The following NEDD4 variants were observed in gnomAD, a reference collection of about 807,000 sequenced individuals.
NEDD4 encodes the protein E3 ubiquitin-protein ligase NEDD4.
Under a neutral mutation model 144.9 loss-of-function variants are expected in NEDD4, and 99 were observed. The observed-to-expected ratio is 0.68, with a 90% CI of 0.58 to 0.81. NEDD4 has a LOEUF of 0.81. Among genes scored for constraint, NEDD4 ranks in the 30% least tolerant of loss-of-function variants. NEDD4 has a pLI of 0.00. For missense variants in NEDD4, 985 were observed against 1,065.9 expected (o/e 0.92, Z 1.06); for synonymous variants, 318 against 350.6 (o/e 0.91, Z 1.04).
intron 8 of NEDD4, among the ~76,000 whole-genome samples, chr15:55,863,408 CAG>C: frequency 6.6e-6 from 1 of 152,056 alleles, no homozygotes; most frequent in Non-Finnish European, 1.5e-5. Flanking sequence ...AACAATAAAA[CAG>C]AACTTTAAAA....
intron 1 of NEDD4, among the ~76,000 whole-genome samples, chr15:55,982,139 G>A (rs368192257): frequency 3.3e-5 from 5 of 152,170 alleles, no homozygotes; most frequent in African/African-American, 1.2e-4. Context: ...CTGAAACAAT[G>A]TGCAGCAACT....
chr15:55,987,051 A>T (rs1267017643), intron 1 of NEDD4, among the ~76,000 whole-genome samples: 1 of 141,468 alleles, frequency 7.1e-6, no homozygotes, highest in Non-Finnish European at 1.5e-5. Context: ...CGCCACACTG[A>T]CTTCCACAAT....
chr15:55,916,488 G>A, intron 5 of NEDD4: 2 of 1,614,038 alleles, frequency 1.2e-6, no homozygotes, highest in African/African-American at 1.3e-5. Flanking sequence ...CAAGATACAA[G>A]TAAACGAAGC....
rs546642962 is a variant in NEDD4 at position 55,923,659 on chromosome 15, A to AAAATATATAT, written c.291+986_291+987insATATATATTT. On this transcript the variant is annotated intron_variant, in intron 5 of 28. Transcript: ENST00000435532. ...AGACTCCATCTCAAAAAAAAAAAAAAATATATATATATATAGCAAGTCAGT... is the reference window on the plus strand; with the variant it reads ...AGACTCCATCTCAAAAAAAAAAAAAAAAATATATATATATATATATATATAGCAAGTCAGT... Among the ~76,000 whole-genome samples, 476 of 135,232 alleles carry AAAATATATAT rather than the reference A, an allele frequency of 3.5e-3. 4 individuals carry two copies. The highest frequency in any genetic ancestry group is 0.012 in the African/African-American group (448 of 35,908). The allele number at this position is 135,232 out of a possible 152,430, so 88.7% of individuals were successfully genotyped here. A position where few individuals can be genotyped will look rare whatever the true frequency, so the allele number is the denominator to read the frequency against.
At chr15:55,904,594 C>G (rs2036025104) in intron 5 of NEDD4, among the ~76,000 whole-genome samples, 1 of 152,138 alleles carries the variant, frequency 6.6e-6, no homozygotes, top group Non-Finnish European at 1.5e-5. Context: ...TGAGCCACCA[C>G]ACCCGGCGTA....
intron 12 of NEDD4, among the ~76,000 whole-genome samples, chr15:55,855,206 G>A (rs1417100865): frequency 6.6e-6 from 1 of 152,154 alleles, no homozygotes. Context: ...ACCCACTCAT[G>A]GGATGAGGAT....
intron 4 of NEDD4, among the ~76,000 whole-genome samples, chr15:55,946,086 A>ACTC (rs1331348842): frequency 3.3e-5 from 5 of 152,108 alleles, no homozygotes; most frequent in Non-Finnish European, 5.9e-5. Flanking sequence ...CTATGAAGAA[A>ACTC]CTCCATCAAT....
intron 5 of NEDD4, among the ~76,000 whole-genome samples, chr15:55,885,038 G>C (rs146672648): frequency 6.6e-6 from 1 of 152,066 alleles, no homozygotes; most frequent in African/African-American, 2.4e-5. Context: ...GGTAAAGAAC[G>C]GATCCTAAAA....
At chr15:55,841,739 G>C (rs1372308176) in intron 19 of NEDD4, among the ~76,000 whole-genome samples, 195 bp downstream of exon 19, 2 of 152,004 alleles carry the variant, frequency 1.3e-5, no homozygotes, top group African/African-American at 2.4e-5. Flanking sequence ...GCCTGGGTAA[G>C]TTTTTGTATT....
At position 55,860,642 on chromosome 15, in the gene NEDD4, AC is replaced by A; in HGVS notation, c.792+18del. 2 of 1,613,782 alleles carry A rather than the reference AC, an allele frequency of 1.2e-6. No homozygotes were observed. The highest frequency in any genetic ancestry group is 1.7e-6 in the Non-Finnish European group (2 of 1,179,788). The stretch of plus-strand genomic sequence containing the variant: ...CTATAGCATGTGTCTTTCAAGGAGA[AC>A]TAGGAAACTACTTATACCTCGGAAG... On this transcript the variant is annotated intron_variant, in intron 10 of 28. Transcript: ENST00000435532.
chr15:55,858,520 C>A (rs781762476), intron 11 of NEDD4, among the ~76,000 whole-genome samples: 1 of 152,104 alleles, frequency 6.6e-6, no homozygotes, highest in Non-Finnish European at 1.5e-5. Context: ...GTTGCCCAGG[C>A]TGGTCTTGAA....
At chr15:55,926,120 G>A (rs527974570) in intron 4 of NEDD4, among the ~76,000 whole-genome samples, 1 of 151,958 alleles carries the variant, frequency 6.6e-6, no homozygotes, top group African/African-American at 2.4e-5. Flanking sequence ...ATACGTATAT[G>A]TATCAAACCC....
At chr15:55,992,535 G>A (rs1042182739) in intron 1 of NEDD4, among the ~76,000 whole-genome samples, 5 of 152,150 alleles carry the variant, frequency 3.3e-5, no homozygotes, top group Non-Finnish European at 5.9e-5. Flanking sequence ...AAAGGTACAT[G>A]TGGCAGCTTA....
chr15:55,872,288 A>ATAC (rs1458971925), intron 7 of NEDD4, 127 bp downstream of exon 7: 1 of 252,378 alleles, frequency 4.0e-6, no homozygotes, highest in East Asian at 8.7e-5. Context: ...AATAATAATA[A>ATAC]TAATAATAAT....
At chr15:55,850,271 C>A (rs2033930182) in intron 14 of NEDD4, among the ~76,000 whole-genome samples, 1 of 152,038 alleles carries the variant, frequency 6.6e-6, no homozygotes, top group Non-Finnish European at 1.5e-5. Flanking sequence ...AAGGATTATT[C>A]CTATGTATCT....
In NEDD4 at chr15:55,829,716, T is replaced by A; in HGVS notation, c.*181A>T. On this transcript the variant is annotated 3_prime_UTR_variant, in exon 29 of 29. Transcript: ENST00000435532. ...GAAACAACTGTGTAAATGCAACACATTATTTAAAAGTGATTAAAAATAAGT... is the reference window on the plus strand; with the variant it reads ...GAAACAACTGTGTAAATGCAACACAATATTTAAAAGTGATTAAAAATAAGT... 2.8e-5 allele frequency: 14 copies of A among 505,274 alleles called. No individual in the cohort carries two copies. Among genetic ancestry groups the A allele is most frequent in the African/African-American group, 3.9e-5 (2 of 51,278 alleles). The allele number at this position is 505,274 out of a possible 1,614,324, so 31.3% of individuals were successfully genotyped here. A position where few individuals can be genotyped will look rare whatever the true frequency, so the allele number is the denominator to read the frequency against.
intron 5 of NEDD4, among the ~76,000 whole-genome samples, chr15:55,886,253 G>A (rs1401681852): frequency 6.6e-6 from 1 of 152,172 alleles, no homozygotes; most frequent in Non-Finnish European, 1.5e-5. Flanking sequence ...ATTATAGCTT[G>A]AGAATTCAAC....
Position 55,962,980 on chromosome 15 carries a change from T to C in NEDD4, c.119+3493A>G, listed in dbSNP as rs2037449779. Among the ~76,000 whole-genome samples the C allele has an allele frequency of 5.9e-5, 9 of 152,030 alleles. No individual in the cohort carries two copies. The South Asian group carries it at 1.9e-3, about 32-fold the overall frequency. ...TTTGTATATTAGTAGAGATGGGATT[T>C]CACCATGTTGGCCAGGCTGGTCTCA... is the stretch of plus-strand genomic sequence containing the variant. On this transcript the variant is annotated intron_variant, in intron 2 of 28. Coordinates refer to ENST00000435532, the MANE Select transcript of NEDD4 (RefSeq NM_006154.4).
At chr15:55,916,141 T>C in intron 5 of NEDD4, 1 of 1,614,006 alleles carries the variant, frequency 6.2e-7, no homozygotes, top group Non-Finnish European at 8.5e-7. Context: ...TCTGTACTTG[T>C]ACTTCTTGAA....
Sources: allele counts gnomAD v4.1 joint callset (sites outside exome capture counted in the v4.1 genomes callset), GRCh38; gene constraint gnomAD v4.1.1; transcripts MANE v1.5; gene names NCBI Gene and HGNC (gene_info 2026-07-23, HGNC 2026-07-21).